LGSN: variants seen among roughly 807,000 people sequenced by gnomAD.
The protein encoded by LGSN is lengsin, lens protein with glutamine synthetase domain.
LGSN carries 21 observed loss-of-function variants against 19.5 expected under a neutral mutation model. That is an observed-to-expected ratio of 1.07 (90% confidence interval 0.76 to 1.55). The LOEUF is 1.55. LGSN is among the 40% of genes most tolerant of loss of function. The probability of loss-of-function intolerance (pLI) is 0.00; values close to 1 mark genes in which losing one functional copy is unlikely to be tolerated. For synonymous variants in LGSN, 257 were observed against 215.6 expected (o/e 1.19, Z -1.68); for missense variants, 673 against 608.5 (o/e 1.11, Z -1.12).
the LGSN span, among the ~76,000 whole-genome samples, chr6:63,498,786 C>T: frequency 1.3e-5 from 2 of 151,986 alleles, no homozygotes; most frequent in African/African-American, 4.8e-5. Context: ...AATTGAGGAA[C>T]TTTATGGGAA....
intron 1 of LGSN, among the ~76,000 whole-genome samples, chr6:63,299,978 C>T (rs1768122230): frequency 6.6e-6 from 1 of 152,198 alleles, no homozygotes; most frequent in South Asian, 2.1e-4. Flanking sequence ...CTGGGTTCCC[C>T]TGAAGCCTTT....
At chr6:63,533,936 T>C in the LGSN span, among the ~76,000 whole-genome samples, 1 of 149,932 alleles carries the variant, frequency 6.7e-6, no homozygotes, top group Non-Finnish European at 1.5e-5. Flanking sequence ...CTCTGCCTCC[T>C]GGGTTCAAGT....
chr6:63,521,164 G>A, the LGSN span, among the ~76,000 whole-genome samples: 1 of 151,778 alleles, frequency 6.6e-6, no homozygotes, highest in Middle Eastern at 3.2e-3. Flanking sequence ...AACCACCATG[G>A]TACATGTATA....
the LGSN span, among the ~76,000 whole-genome samples, chr6:63,453,657 A>AT: frequency 6.6e-6 from 1 of 151,458 alleles, no homozygotes; most frequent in African/African-American, 2.4e-5. Context: ...TGTCATTATA[A>AT]TTTTTTCTTT....
At chr6:63,326,164 C>T in the LGSN span, among the ~76,000 whole-genome samples, 3 of 152,118 alleles carry the variant, frequency 2.0e-5, no homozygotes, top group African/African-American at 7.2e-5. Context: ...CGTTCACAAA[C>T]CCTGAGCTAG....
At chr6:63,432,553 G>A in the LGSN span, among the ~76,000 whole-genome samples, 8 of 151,920 alleles carry the variant, frequency 5.3e-5, no homozygotes, top group African/African-American at 1.2e-4. Context: ...TTAGCCAGGC[G>A]TGGTGGTGGG....
chr6:63,368,085 TATAAAAAA>T, the LGSN span, among the ~76,000 whole-genome samples: 115 of 143,046 alleles, frequency 8.0e-4, no homozygotes, highest in Middle Eastern at 3.4e-3. Flanking sequence ...GAACTTAAAG[TATAAAAAA>T]ATAAAAAAGA....
At chr6:63,571,496 G>A in the LGSN span, 1 of 152,106 alleles carries the variant, frequency 6.6e-6, no homozygotes, top group East Asian at 1.9e-4. Flanking sequence ...TACTTCTTAG[G>A]GGCTTAAATA....
the LGSN span, among the ~76,000 whole-genome samples, chr6:63,453,390 T>C: frequency 6.6e-6 from 1 of 152,186 alleles, no homozygotes; most frequent in Non-Finnish European, 1.5e-5. Flanking sequence ...ACAACTACAA[T>C]TGTAGATTTA....
chr6:63,488,220 A>G, the LGSN span, among the ~76,000 whole-genome samples: 2 of 152,182 alleles, frequency 1.3e-5, no homozygotes, highest in Non-Finnish European at 1.5e-5. Context: ...TACACCTTTT[A>G]TCACAAATGA....
the LGSN span, among the ~76,000 whole-genome samples, chr6:63,523,367 T>C: frequency 1.3e-5 from 2 of 152,138 alleles, no homozygotes; most frequent in East Asian, 1.9e-4. Context: ...ACCCTGTCTC[T>C]ACTAGAAAAC....
the LGSN span, among the ~76,000 whole-genome samples, chr6:63,455,423 A>G: frequency 6.6e-6 from 1 of 152,210 alleles, no homozygotes; most frequent in Non-Finnish European, 1.5e-5. Flanking sequence ...AATTCTCGTA[A>G]AACAACTTAG....
At chr6:63,404,568 C>T in the LGSN span, among the ~76,000 whole-genome samples, 1 of 151,964 alleles carries the variant, frequency 6.6e-6, no homozygotes, top group Non-Finnish European at 1.5e-5. Context: ...GCTGAGGGAC[C>T]ACTTTCTTAT....
chr6:63,351,895 A>G, the LGSN span, among the ~76,000 whole-genome samples: 1 of 152,186 alleles, frequency 6.6e-6, no homozygotes, highest in Non-Finnish European at 1.5e-5. Flanking sequence ...TAAACCTGAG[A>G]CTGATTTACT....
At chr6:63,501,447 C>A in the LGSN span, among the ~76,000 whole-genome samples, 2 of 151,608 alleles carry the variant, frequency 1.3e-5, no homozygotes, top group African/African-American at 4.8e-5. Context: ...ATGCATAGAG[C>A]TATGGCATCT....
At chr6:63,299,060 A>G (rs1768089972) in intron 1 of LGSN, among the ~76,000 whole-genome samples, 1 of 151,680 alleles carries the variant, frequency 6.6e-6, no homozygotes, top group African/African-American at 2.4e-5. Flanking sequence ...AGCTATCCAT[A>G]CCGAGTCCAC....
the LGSN span, among the ~76,000 whole-genome samples, chr6:63,522,560 G>A: frequency 2.0e-5 from 3 of 152,142 alleles, no homozygotes; most frequent in Non-Finnish European, 4.4e-5. Flanking sequence ...AGGTAGAAAA[G>A]GGCTCTATAA....
chr6:63,338,838 C>T, the LGSN span, among the ~76,000 whole-genome samples: 1 of 152,050 alleles, frequency 6.6e-6, no homozygotes, highest in African/African-American at 2.4e-5. Context: ...ACTTCTTTTG[C>T]TGTATTTCAT....
At chr6:63,373,195 G>A in the LGSN span, among the ~76,000 whole-genome samples, 1 of 152,178 alleles carries the variant, frequency 6.6e-6, no homozygotes, top group African/African-American at 2.4e-5. Flanking sequence ...CAGCCATTTT[G>A]TTCCTATGGT....
Sources: allele counts gnomAD v4.1 joint callset (sites outside exome capture counted in the v4.1 genomes callset), GRCh38; gene constraint gnomAD v4.1.1; transcripts MANE v1.5; gene names NCBI Gene and HGNC (gene_info 2026-07-23, HGNC 2026-07-21).